The following ZFHX3 variants were observed in gnomAD, a reference collection of about 807,000 sequenced individuals.
ZFHX3 encodes the protein zinc finger homeobox protein 3.
A neutral mutation model predicts 279.1 loss-of-function variants in ZFHX3; 42 were observed. The observed-to-expected ratio is 0.15, with a 90% CI of 0.12 to 0.19. ZFHX3 has a LOEUF of 0.19. Ranked by LOEUF, ZFHX3 falls within the 10% of genes least tolerant of loss-of-function variation. The probability of loss-of-function intolerance (pLI) is 1.00; values close to 1 mark genes in which losing one functional copy is unlikely to be tolerated. For missense variants in ZFHX3, 4,981 were observed against 4,754.0 expected, an observed-to-expected ratio of 1.05 and a Z score of -1.40; for synonymous variants, 2,293 against 1,957.8, an observed-to-expected ratio of 1.17 and a Z score of -4.52.
At chr16:73,140,294 A>G (rs190865204) in intron 6 of ZFHX3, among the ~76,000 whole-genome samples, 13 of 152,296 alleles carry the variant, frequency 8.5e-5, no homozygotes, top group African/African-American at 2.9e-4. Flanking sequence ...GACCTTTTTA[A>G]TAATTCAGTA....
intron 1 of ZFHX3, among the ~76,000 whole-genome samples, chr16:73,002,985 T>C (rs1399154906): frequency 2.0e-5 from 3 of 152,216 alleles, no homozygotes; most frequent in East Asian, 3.8e-4. Flanking sequence ...TTCTCTTCTA[T>C]GCATATTTTA....
chr16:73,792,500 T>G (rs550534973), intron 1 of ZFHX3, among the ~76,000 whole-genome samples: 1 of 152,290 alleles, frequency 6.6e-6, no homozygotes, highest in Admixed American at 6.5e-5. Flanking sequence ...AGAGGAAAGT[T>G]TTATTAATTC....
chr16:73,536,036 T>G (rs1391216649), intron 2 of ZFHX3, among the ~76,000 whole-genome samples: 1 of 152,098 alleles, frequency 6.6e-6, no homozygotes, highest in African/African-American at 2.4e-5. Flanking sequence ...CCCCCATCTT[T>G]AATACAAATT....
intron 1 of ZFHX3, among the ~76,000 whole-genome samples, chr16:73,883,422 T>C (rs2030240004): frequency 1.3e-5 from 2 of 151,500 alleles, no homozygotes; most frequent in African/African-American, 4.9e-5. Context: ...TGTGTGTGTG[T>C]GTGTGTATAT....
chr16:72,999,627 G>C (rs1261466348), intron 1 of ZFHX3, among the ~76,000 whole-genome samples: 2 of 152,172 alleles, frequency 1.3e-5, no homozygotes, highest in Non-Finnish European at 2.9e-5. Flanking sequence ...GATTGGCTCA[G>C]GGGTGACCCA....
At chr16:73,469,402 C>T (rs2143598711) in intron 2 of ZFHX3, among the ~76,000 whole-genome samples, 1 of 152,128 alleles carries the variant, frequency 6.6e-6, no homozygotes, top group South Asian at 2.1e-4. Context: ...GGAACATTGT[C>T]AAAGGGAGGT....
chr16:73,150,773 A>T lies in ZFHX3; in HGVS notation c.-1103-6942T>A, dbSNP rs555203872. On this transcript the variant is annotated intron_variant, in intron 5 of 17. Coordinates refer to the ZFHX3 transcript ENST00000641206. Reference sequence around the variant, plus strand: ...TGACAGAGCCTGTATACATCTTTGTATCTCCAGCACTTTCTAGCAAAGAAT... The same window carrying T: ...TGACAGAGCCTGTATACATCTTTGTTTCTCCAGCACTTTCTAGCAAAGAAT... Among the ~76,000 whole-genome samples, 3 of 152,300 alleles carry T rather than the reference A, an allele frequency of 2.0e-5. No homozygotes were observed. The South Asian group carries it at 6.2e-4, about 32-fold the overall frequency.
In ZFHX3 at chr16:72,798,546, G is replaced by T. The variant is rs753592536; in HGVS notation, c.4136C>A (p.Thr1379Lys). Residue 1379 changes from threonine to lysine, a missense_variant, in exon 9 of 10, where the codon ACG becomes AAG. Coordinates refer to ENST00000268489, the MANE Select transcript of ZFHX3 (RefSeq NM_006885.4). ...CTTGGCATGCACTTCATTAAAATGCGTCTGAAGGGCAGCAGAAGTTTTGAA... is the reference window on the plus strand; with the variant it reads ...CTTGGCATGCACTTCATTAAAATGCTTCTGAAGGGCAGCAGAAGTTTTGAA... The part of the protein sequence containing the change: ...QVFKTSAALQ[T>K]HFNEVHAKRP... 1 of 1,614,180 alleles carries T rather than the reference G, an allele frequency of 6.2e-7. No homozygotes were observed. The highest frequency in any genetic ancestry group is 2.2e-5 in the East Asian group (1 of 44,878).
At chr16:73,069,950 T>C (rs529417379) in intron 8 of ZFHX3, among the ~76,000 whole-genome samples, 54 of 152,326 alleles carry the variant, frequency 3.5e-4, no homozygotes, top group African/African-American at 1.3e-3. Flanking sequence ...CCCACTACCA[T>C]TTTGGATTCT....
chr16:73,145,001 C>G (rs922576278), intron 5 of ZFHX3, among the ~76,000 whole-genome samples: 1 of 152,282 alleles, frequency 6.6e-6, no homozygotes, highest in Admixed American at 6.5e-5. Flanking sequence ...ATTTTGTAAG[C>G]CATATTTTGA....
At chr16:72,836,752 G>T (rs1024209801) in intron 4 of ZFHX3, among the ~76,000 whole-genome samples, 2 of 152,120 alleles carry the variant, frequency 1.3e-5, no homozygotes, top group Non-Finnish European at 2.9e-5. Context: ...AAGAGGAAGG[G>T]CCTGGGATCC....
At chr16:72,964,670 A>T (rs75717695) in intron 1 of ZFHX3, among the ~76,000 whole-genome samples, 8 of 2,204 alleles carry the variant, frequency 3.6e-3, no homozygotes, top group Middle Eastern at 0.12. Context: ...GGTCTATTTA[A>T]AAAAAAAAAA....
At chr16:73,509,352 C>G (rs1381782891) in intron 2 of ZFHX3, among the ~76,000 whole-genome samples, 1 of 151,962 alleles carries the variant, frequency 6.6e-6, no homozygotes, top group Non-Finnish European at 1.5e-5. Context: ...TCCCTTCTCC[C>G]CCTCCACCCC....
intron 6 of ZFHX3, among the ~76,000 whole-genome samples, chr16:73,139,547 G>C (rs927469750): frequency 2.6e-5 from 4 of 152,154 alleles, no homozygotes; most frequent in African/African-American, 4.8e-5. Flanking sequence ...GAACAGCCTT[G>C]GTTAATGGTA....
At chr16:73,796,754 A>T (rs539153788) in intron 1 of ZFHX3, among the ~76,000 whole-genome samples, 6 of 152,286 alleles carry the variant, frequency 3.9e-5, no homozygotes, top group Admixed American at 2.6e-4. Flanking sequence ...AGTGGGGACA[A>T]CGACATAAAG....
intron 2 of ZFHX3, among the ~76,000 whole-genome samples, chr16:73,617,589 A>C (rs1427129967): frequency 6.6e-6 from 1 of 152,230 alleles, no homozygotes; most frequent in East Asian, 1.9e-4. Context: ...TACATGCCTA[A>C]AAATTGTTTC....
intron 4 of ZFHX3, among the ~76,000 whole-genome samples, chr16:73,268,051 A>G (rs1436249155): frequency 1.3e-5 from 2 of 152,162 alleles, no homozygotes; most frequent in African/African-American, 4.8e-5. Flanking sequence ...CAGTATTTCC[A>G]TCTCTGTATG....
In ZFHX3 at chr16:73,044,416, A is replaced by C. The variant is rs551972732; in HGVS notation, c.-50+3336T>G. ...AGCAATCATTTTAATAACAAATGAA[A>C]GCATAAACCACAGCACATACTGTAC... On this transcript the variant is annotated intron_variant, in intron 1 of 9. Transcript: ENST00000268489. Among the ~76,000 whole-genome samples the C allele has an allele frequency of 2.0e-5, 3 of 152,354 alleles. No individual in the cohort carries two copies. In the South Asian group the frequency reaches 6.2e-4, roughly 32 times the overall value.
chr16:73,350,327 AG>A (rs1382053854), intron 3 of ZFHX3, among the ~76,000 whole-genome samples: 2 of 152,206 alleles, frequency 1.3e-5, no homozygotes, highest in African/African-American at 4.8e-5. Context: ...ATTGGCTGAC[AG>A]GGTTTGGGAT....
Sources: allele counts gnomAD v4.1 joint callset (sites outside exome capture counted in the v4.1 genomes callset), GRCh38; gene constraint gnomAD v4.1.1; transcripts MANE v1.5; gene names NCBI Gene and HGNC (gene_info 2026-07-23, HGNC 2026-07-21).